Variants in SWAP70 observed in about 807,000 individuals in gnomAD.
SWAP70 encodes the protein switch-associated protein 70.
A neutral mutation model predicts 80.2 loss-of-function variants in SWAP70; 34 were observed. The observed-to-expected ratio is 0.42, with a 90% confidence interval of 0.32 to 0.56. SWAP70 has a LOEUF of 0.56. SWAP70 is among the 20% of genes least tolerant of loss of function. The pLI is 0.09. For missense variants in SWAP70, 578 were observed against 690.7 expected (o/e 0.84, Z 1.83); for synonymous variants, 239 against 238.5 (o/e 1.00, Z -0.02).
chr11:9,739,745 T>C (rs1195209916), intron 8 of SWAP70, among the ~76,000 whole-genome samples: 1 of 152,182 alleles, frequency 6.6e-6, no homozygotes, highest in Non-Finnish European at 1.5e-5. Context: ...GACCTTTCCT[T>C]CTTCTTTAGT....
At chr11:9,724,912 T>C (rs771382715) in intron 4 of SWAP70, 27 bp downstream of exon 4, 2 of 1,421,474 alleles carry the variant, frequency 1.4e-6, no homozygotes, top group Non-Finnish European at 2.0e-6. Flanking sequence ...TGTTTTTTTT[T>C]CTCATCTTTA....
At chr11:9,734,437 A>G (rs887026480) in intron 7 of SWAP70, among the ~76,000 whole-genome samples, 3 of 152,210 alleles carry the variant, frequency 2.0e-5, no homozygotes, top group African/African-American at 7.2e-5. Flanking sequence ...GCCTGGTGTT[A>G]GCAAGCTGTA....
intron 3 of SWAP70, among the ~76,000 whole-genome samples, chr11:9,720,808 A>G (rs1322412495): frequency 2.0e-5 from 3 of 151,682 alleles, no homozygotes; most frequent in South Asian, 2.1e-4. Flanking sequence ...TATCTCTTCA[A>G]TCTCTTCTTA....
At chr11:9,725,530 AATAT>A (rs1211819180) in intron 4 of SWAP70, among the ~76,000 whole-genome samples, 832 of 60,414 alleles carry the variant, frequency 0.014, 11 homozygotes, top group East Asian at 0.027. Flanking sequence ...AAAAATACAA[AATAT>A]ATATATATAT....
intron 2 of SWAP70, among the ~76,000 whole-genome samples, chr11:9,710,152 C>G (rs1285489599): frequency 1.3e-5 from 2 of 152,108 alleles, no homozygotes; most frequent in South Asian, 2.1e-4. Flanking sequence ...AAGTTCAAAC[C>G]TATGTTGTTC....
intron 3 of SWAP70, among the ~76,000 whole-genome samples, chr11:9,717,423 C>T (rs1851079988): frequency 6.6e-6 from 1 of 152,070 alleles, no homozygotes; most frequent in East Asian, 1.9e-4. Context: ...CGCTTGAGCT[C>T]ATGAGTTCAA....
intron 3 of SWAP70, among the ~76,000 whole-genome samples, chr11:9,718,265 T>C (rs962061658): frequency 6.6e-6 from 1 of 152,254 alleles, no homozygotes; most frequent in Non-Finnish European, 1.5e-5. Context: ...CATCATTTCT[T>C]CTGGTTAGAA....
At chr11:9,679,958 T>A (rs1850546634) in intron 1 of SWAP70, among the ~76,000 whole-genome samples, 1 of 152,230 alleles carries the variant, frequency 6.6e-6, no homozygotes, top group Admixed American at 6.5e-5. Context: ...CATGAGCCAC[T>A]GCACGCGGCC....
At chr11:9,705,703 T>C (rs904635523) in intron 2 of SWAP70, among the ~76,000 whole-genome samples, 8 of 143,936 alleles carry the variant, frequency 5.6e-5, no homozygotes, top group African/African-American at 2.3e-4. Context: ...GCACTGGTGA[T>C]CTGTATACAC....
intron 3 of SWAP70, among the ~76,000 whole-genome samples, chr11:9,718,967 G>T (rs1225379421): frequency 6.6e-6 from 1 of 150,580 alleles, no homozygotes; most frequent in Non-Finnish European, 1.5e-5. Flanking sequence ...GGGCACAGTG[G>T]CACATGCCTG....
intron 9 of SWAP70, among the ~76,000 whole-genome samples, chr11:9,745,739 ATTCC>A (rs1021604353): frequency 6.6e-6 from 1 of 152,224 alleles, no homozygotes; most frequent in Non-Finnish European, 1.5e-5. Context: ...TGTAGTTTCT[ATTCC>A]TTTTTTGATA....
intron 2 of SWAP70, among the ~76,000 whole-genome samples, chr11:9,712,625 C>G (rs552080876): frequency 1.3e-5 from 2 of 151,908 alleles, no homozygotes; most frequent in East Asian, 3.9e-4. Flanking sequence ...GTACTTGGCT[C>G]GTAGTAGATG....
intron 10 of SWAP70, among the ~76,000 whole-genome samples, 193 bp from the exon 11 acceptor site, chr11:9,748,894 G>A (rs975032843): frequency 6.6e-6 from 1 of 152,138 alleles, no homozygotes; most frequent in Non-Finnish European, 1.5e-5. Context: ...TGTGACTCTC[G>A]GCAGGTTACT....
chr11:9,683,883 G>C (rs1372508898), intron 1 of SWAP70, among the ~76,000 whole-genome samples: 1 of 152,114 alleles, frequency 6.6e-6, no homozygotes, highest in Non-Finnish European at 1.5e-5. Flanking sequence ...AATCCATTTA[G>C]AAAAGCAATT....
At chr11:9,735,470 G>A (rs1464278435) in intron 7 of SWAP70, among the ~76,000 whole-genome samples, 2 of 152,104 alleles carry the variant, frequency 1.3e-5, no homozygotes. Flanking sequence ...GAATAATCTT[G>A]TACCTGTGTC....
In SWAP70 at chr11:9,729,461, T is replaced by C. The variant is rs1851267310; in HGVS notation, c.898+10T>C. 1 of 1,553,678 alleles carries C rather than the reference T, an allele frequency of 6.4e-7. No homozygotes were observed. The highest frequency in any genetic ancestry group is 8.9e-7 in the Non-Finnish European group (1 of 1,129,440). ...CAGGAGTGGATTCAAGGTAAGGTGATTTTTTATTATTTGCCATGATATAAC... is the reference window on the plus strand; with the variant it reads ...CAGGAGTGGATTCAAGGTAAGGTGACTTTTTATTATTTGCCATGATATAAC... On this transcript the variant is annotated intron_variant, in intron 6 of 11. Transcript: ENST00000318950.
chr11:9,702,766 T>C (rs1850849601), intron 2 of SWAP70, among the ~76,000 whole-genome samples: 1 of 152,176 alleles, frequency 6.6e-6, no homozygotes, highest in South Asian at 2.1e-4. Context: ...AGTTGGACTC[T>C]ACATTTTCAT....
intron 1 of SWAP70, among the ~76,000 whole-genome samples, chr11:9,686,344 C>CTTATTTAT (rs139472434): frequency 0.075 from 10,782 of 143,788 alleles, 510 homozygotes; most frequent in Non-Finnish European, 0.088. Context: ...CTTTTATTTT[C>CTTATTTAT]TTATTTATTT....
chr11:9,738,134 A>T, intron 7 of SWAP70, 79 bp from the exon 8 acceptor site: 1 of 958,748 alleles, frequency 1.0e-6, no homozygotes, highest in Non-Finnish European at 1.5e-6. Context: ...TCCTGTACTT[A>T]AGTATGACTG....
Sources: allele counts gnomAD v4.1 joint callset (sites outside exome capture counted in the v4.1 genomes callset), GRCh38; gene constraint gnomAD v4.1.1; transcripts MANE v1.5; gene names NCBI Gene and HGNC (gene_info 2026-07-23, HGNC 2026-07-21).